GALC: variants seen among roughly 807,000 people sequenced by gnomAD.
GALC encodes galactocerebrosidase.
Under a neutral mutation model 91.8 loss-of-function variants are expected in GALC, and 77 were observed. That is an observed-to-expected ratio of 0.84 (90% CI 0.70 to 1.01). The LOEUF is 1.01. Ranked by LOEUF, GALC falls within the 50% of genes least tolerant of loss-of-function variation. The probability of loss-of-function intolerance (pLI) is 0.00; values close to 1 mark genes in which losing one functional copy is unlikely to be tolerated. For missense variants in GALC, 882 were observed against 855.9 expected (o/e 1.03, Z -0.38); for synonymous variants, 357 against 306.7 (o/e 1.16, Z -1.71).
At chr14:87,949,622 A>G (rs1283594039) in intron 12 of GALC, among the ~76,000 whole-genome samples, 1 of 152,036 alleles carries the variant, frequency 6.6e-6, no homozygotes, top group Non-Finnish European at 1.5e-5. Flanking sequence ...ACAGAGGGTG[A>G]GTGGGAAAGA....
intron 10 of GALC, chr14:87,952,989 C>G: frequency 9.9e-7 from 1 of 1,013,420 alleles, no homozygotes; most frequent in South Asian, 1.3e-5. Context: ...AAATTTGTTT[C>G]AGTTAGACCA....
intron 6 of GALC, among the ~76,000 whole-genome samples, chr14:87,979,088 C>G (rs1234091908): frequency 1.3e-5 from 2 of 151,954 alleles, no homozygotes; most frequent in Non-Finnish European, 2.9e-5. Flanking sequence ...TTTGCCCAGG[C>G]TGGAGTGCTC....
chr14:87,968,334 C>CA lies in GALC; in HGVS notation c.908_908+1insT (p.Thr304HisfsTer9). On this transcript the variant is annotated frameshift_variant and splice_region_variant. Transcript: ENST00000261304. LOFTEE classifies it high-confidence loss of function. ...ACTCTAAAAGGTTTTTAATAACTTA[C>CA]GAAGTCATATAGCCATTGATATAAT... 6.2e-7 allele frequency: 1 copy of CA among 1,607,144 alleles called. No homozygotes were observed. The highest frequency in any genetic ancestry group is 8.5e-7 in the Non-Finnish European group (1 of 1,176,544).
intron 10 of GALC, chr14:87,954,373 G>A (rs1885430868): frequency 1.9e-6 from 3 of 1,601,520 alleles, no homozygotes; most frequent in Non-Finnish European, 2.6e-6. Flanking sequence ...CAGTGGAACA[G>A]GCCCAAGATC....
At position 87,937,878 on chromosome 14, in the gene GALC, AT is replaced by A. The variant is rs1273835108; in HGVS notation, c.1911+2026del. 2.6e-5 allele frequency among the ~76,000 whole-genome samples: 4 copies of A among 151,916 alleles called. No individual in the cohort carries two copies. In the East Asian group the frequency reaches 7.8e-4, roughly 29 times the overall value. On this transcript the variant is annotated intron_variant, in intron 16 of 16. Transcript: ENST00000261304. ...GGCAAATCTTAATAAATGGTGAAATATAGCATGCTTTTGTTCCTGTGTTCTC... is the reference window on the plus strand; with the variant it reads ...GGCAAATCTTAATAAATGGTGAAATAAGCATGCTTTTGTTCCTGTGTTCTC...
In GALC at chr14:87,939,990, C is replaced by G. The variant is rs1884768613; in HGVS notation, c.1835-9G>C. On this transcript the variant is annotated splice_polypyrimidine_tract_variant and intron_variant, in intron 15 of 16. Coordinates refer to ENST00000261304, the MANE Select transcript of GALC (RefSeq NM_000153.4). ...ATATATAATCCATCCAGCTGTAACA[C>G]AAAAATATTATCCCAATAGATATAA... is the stretch of plus-strand genomic sequence containing the variant. 1.3e-6 allele frequency: 2 copies of G among 1,598,334 alleles called. No individual in the cohort carries two copies. Among genetic ancestry groups the G allele is most frequent in the Admixed American group, 3.3e-5 (2 of 59,816 alleles).
chr14:87,984,629 T>C (rs1314398438), intron 4 of GALC, 96 bp from the exon 5 acceptor site: 1 of 1,273,692 alleles, frequency 7.9e-7, no homozygotes, highest in Non-Finnish European at 1.1e-6. Context: ...AGCATTCAAC[T>C]AGCAAAAAAC....
At chr14:87,962,321 A>AT (rs1305281477) in intron 10 of GALC, among the ~76,000 whole-genome samples, 1 of 150,994 alleles carries the variant, frequency 6.6e-6, no homozygotes, top group East Asian at 2.0e-4. Context: ...TGAAGTGTAG[A>AT]TTCTGGGAGG....
chr14:87,954,375 C>T, intron 10 of GALC: 1 of 1,601,222 alleles, frequency 6.2e-7, no homozygotes, highest in Non-Finnish European at 8.6e-7. Flanking sequence ...GTGGAACAGG[C>T]CCAAGATCAA....
rs753568825 is a variant in GALC at position 87,972,862 on chromosome 14, G to T, written c.752+3496C>A. Among the ~76,000 whole-genome samples, 21 of 152,026 alleles carry T rather than the reference G, an allele frequency of 1.4e-4. 1 individual carries two copies. The highest frequency in any genetic ancestry group is 2.2e-4 in the Non-Finnish European group (15 of 67,914). The stretch of plus-strand genomic sequence containing the variant: ...AAAAGAAAACCAAAGTAATGGAGTG[G>T]AATAATGATTTAACTTATAACTTAA... On this transcript the variant is annotated intron_variant, in intron 7 of 16. Coordinates refer to ENST00000261304, the MANE Select transcript of GALC (RefSeq NM_000153.4).
intron 7 of GALC, among the ~76,000 whole-genome samples, chr14:87,970,064 T>C (rs1230523127): frequency 6.6e-6 from 1 of 152,164 alleles, no homozygotes; most frequent in Non-Finnish European, 1.5e-5. Context: ...CTGAAAAATC[T>C]GGCTACTAGT....
At chr14:87,963,167 G>A (rs1885881592) in intron 10 of GALC, 2 of 510,820 alleles carry the variant, frequency 3.9e-6, no homozygotes, top group Non-Finnish European at 7.0e-6. Context: ...GGAACAAAGT[G>A]GAGAAAAGAT....
intron 7 of GALC, among the ~76,000 whole-genome samples, chr14:87,970,126 C>G (rs1209121746): frequency 2.6e-5 from 4 of 152,074 alleles, no homozygotes; most frequent in African/African-American, 9.7e-5. Flanking sequence ...ATTCTTCTAT[C>G]CCACAACTCC....
At chr14:87,937,678 A>ATC (rs1884640160) in intron 16 of GALC, among the ~76,000 whole-genome samples, 1 of 151,764 alleles carries the variant, frequency 6.6e-6, no homozygotes. Context: ...AGAAGAAGGA[A>ATC]CAGGATGTGA....
chr14:87,953,381 C>CAG, intron 10 of GALC: 1 of 1,427,738 alleles, frequency 7.0e-7, no homozygotes, highest in Non-Finnish European at 9.8e-7. Context: ...GATGATTTTA[C>CAG]AGAAGCATAT....
chr14:87,954,470 T>C, intron 10 of GALC: 1 of 1,582,406 alleles, frequency 6.3e-7, no homozygotes, highest in Non-Finnish European at 8.7e-7. Flanking sequence ...GGAATTTAAA[T>C]ATCTTTTTGT....
chr14:87,953,631 C>A lies in GALC; in HGVS notation c.1162-2883G>T. ...ACAAAAGTGCTATTAAAAGAAGCTG[C>A]ACCTCTGAAGATAAAGTGGGCCAGT... On this transcript the variant is annotated intron_variant, in intron 10 of 16. Coordinates refer to ENST00000261304, the MANE Select transcript of GALC (RefSeq NM_000153.4). 4 of 1,609,750 alleles carry A rather than the reference C, an allele frequency of 2.5e-6. No homozygotes were observed. In the South Asian group the frequency reaches 4.4e-5, roughly 18 times the overall value.
At chr14:87,979,646 A>G (rs1214864105) in intron 6 of GALC, among the ~76,000 whole-genome samples, 1 of 152,230 alleles carries the variant, frequency 6.6e-6, no homozygotes, top group African/African-American at 2.4e-5. Flanking sequence ...TGGAAACCGT[A>G]ATACTTTTAA....
At chr14:87,949,280 A>T (rs1359887426) in intron 12 of GALC, among the ~76,000 whole-genome samples, 1 of 152,072 alleles carries the variant, frequency 6.6e-6, no homozygotes, top group Non-Finnish European at 1.5e-5. Context: ...TTAGTAGGAC[A>T]CATCTCTAGG....
Sources: gnomAD v4.1 joint callset for allele counts (sites outside exome capture counted in the v4.1 genomes callset) on GRCh38, gnomAD v4.1.1 for gene constraint, MANE v1.5 for transcripts, NCBI Gene and HGNC (gene_info 2026-07-23, HGNC 2026-07-21) for gene names.